TAOK3: variants seen among roughly 807,000 people sequenced by gnomAD.
The protein encoded by TAOK3 is TAO kinase 3, also known as serine/threonine-protein kinase TAO3.
A neutral mutation model predicts 120.4 loss-of-function variants in TAOK3; 40 were observed. That is an observed-to-expected ratio of 0.33 (90% CI 0.26 to 0.43). The LOEUF (loss-of-function observed/expected upper bound fraction) is 0.43, where lower values mean the gene tolerates loss of function less well. TAOK3 is among the 20% of genes least tolerant of loss of function. The pLI, the probability that TAOK3 is intolerant of heterozygous loss-of-function variation, is 1.00. For synonymous variants in TAOK3, 355 were observed against 387.5 expected, an observed-to-expected ratio of 0.92 and a Z score of 0.99; for missense variants, 821 against 1,112.1, an observed-to-expected ratio of 0.74 and a Z score of 3.72.
At chr12:118,227,257 A>C (rs1401443444) in intron 9 of TAOK3, among the ~76,000 whole-genome samples, 1 of 146,264 alleles carries the variant, frequency 6.8e-6, no homozygotes, top group Non-Finnish European at 1.5e-5. Context: ...TTTTAATATA[A>C]TATAAAATTA....
rs532242632 is a variant in TAOK3, at chr12:118,312,319, T to C, written c.-193-45560A>G. On this transcript the variant is annotated intron_variant, in intron 1 of 20. Coordinates refer to ENST00000392533, the MANE Select transcript of TAOK3 (RefSeq NM_016281.4). ...TGACATTAAAAAAAAATCTAGTCCC[T>C]TAATTTAAGACTACTTTAAAGCCTA... Among the ~76,000 whole-genome samples, 115 of 152,222 alleles carry C rather than the reference T, an allele frequency of 7.6e-4. 1 individual carries two copies. The Middle Eastern group carries it at 0.01, about 14-fold the overall frequency.
intron 1 of TAOK3, among the ~76,000 whole-genome samples, chr12:118,287,265 T>C (rs2042300098): frequency 6.6e-6 from 1 of 152,114 alleles, no homozygotes; most frequent in Non-Finnish European, 1.5e-5. Flanking sequence ...TTGAATTCCT[T>C]TTTTTTGAAA....
At chr12:118,177,722 C>T (rs2036436788) in intron 15 of TAOK3, among the ~76,000 whole-genome samples, 1 of 152,076 alleles carries the variant, frequency 6.6e-6, no homozygotes, top group South Asian at 2.1e-4. Flanking sequence ...ACTCTGGAGG[C>T]TGAGGCAGGA....
Position 118,333,963 on chromosome 12 carries a change from C to T in TAOK3, c.-194+38685G>A, listed in dbSNP as rs562237483. On this transcript the variant is annotated intron_variant, in intron 1 of 20. Transcript: ENST00000392533. ...CCAGCCTGACCAACATGGAGAAACC[C>T]CATCTCTACTAAAAATACAAAATTA... 7.9e-5 allele frequency among the ~76,000 whole-genome samples: 12 copies of T among 151,524 alleles called. No individual in the cohort carries two copies. The East Asian group carries it at 2.3e-3, about 29-fold the overall frequency.
intron 1 of TAOK3, among the ~76,000 whole-genome samples, chr12:118,336,399 G>A (rs1467509842): frequency 1.3e-5 from 2 of 151,722 alleles, no homozygotes; most frequent in Admixed American, 6.6e-5. Context: ...GATGAACATA[G>A]GCAAAAAAAT....
intron 7 of TAOK3, among the ~76,000 whole-genome samples, chr12:118,237,728 C>T (rs1342926698): frequency 6.6e-6 from 1 of 152,096 alleles, no homozygotes; most frequent in Non-Finnish European, 1.5e-5. Flanking sequence ...GGGACAATAA[C>T]TCTGCTAACA....
At chr12:118,216,839 G>A (rs2038926871) in intron 9 of TAOK3, among the ~76,000 whole-genome samples, 1 of 149,162 alleles carries the variant, frequency 6.7e-6, no homozygotes, top group Non-Finnish European at 1.5e-5. Flanking sequence ...TGAGGCAGGA[G>A]AATGGCGTGA....
At chr12:118,256,873 G>A (rs966487013) in intron 2 of TAOK3, among the ~76,000 whole-genome samples, 2 of 152,090 alleles carry the variant, frequency 1.3e-5, no homozygotes, top group Admixed American at 6.6e-5. Flanking sequence ...AAATCATTCA[G>A]TTACACATTT....
At chr12:118,264,982 A>G (rs1191565451) in intron 2 of TAOK3, among the ~76,000 whole-genome samples, 1 of 152,116 alleles carries the variant, frequency 6.6e-6, no homozygotes, top group African/African-American at 2.4e-5. Context: ...TGCAGTGAGC[A>G]GACATTGTGC....
intron 9 of TAOK3, among the ~76,000 whole-genome samples, chr12:118,228,622 T>C (rs445926): frequency 0.016 from 2,407 of 152,314 alleles, 28 homozygotes; most frequent in Non-Finnish European, 0.026. Flanking sequence ...TTAACTATGA[T>C]ACAGTATTCC....
intron 1 of TAOK3, among the ~76,000 whole-genome samples, chr12:118,271,828 A>C (rs534343103): frequency 6.6e-6 from 1 of 152,352 alleles, no homozygotes; most frequent in Admixed American, 6.5e-5. Context: ...AAAGATAAAC[A>C]AGAATATTTT....
At chr12:118,270,066 C>A (rs1180934785) in intron 1 of TAOK3, among the ~76,000 whole-genome samples, 2 of 152,162 alleles carry the variant, frequency 1.3e-5, no homozygotes, top group Non-Finnish European at 2.9e-5. Flanking sequence ...AAGCTGCTAT[C>A]TTAATTTCTG....
chr12:118,268,610 C>T (rs16948225), intron 1 of TAOK3, among the ~76,000 whole-genome samples: 3,103 of 152,302 alleles, frequency 0.02, 110 homozygotes, highest in African/African-American at 0.071. Context: ...CAATCAATAA[C>T]TGCAATGTTT....
intron 14 of TAOK3, among the ~76,000 whole-genome samples, chr12:118,188,923 A>AGAGT (rs1555216905): frequency 1.3e-5 from 2 of 150,884 alleles, no homozygotes; most frequent in African/African-American, 4.9e-5. Context: ...AAACGATGTG[A>AGAGT]GTGTGTGTGT....
chr12:118,163,900 T>C (rs533555584), intron 17 of TAOK3, among the ~76,000 whole-genome samples: 1 of 152,102 alleles, frequency 6.6e-6, no homozygotes, highest in African/African-American at 2.4e-5. Context: ...TTAGTAGAGA[T>C]GGAGTTTCTC....
intron 11 of TAOK3, among the ~76,000 whole-genome samples, chr12:118,209,811 T>C (rs571045373): frequency 7.3e-5 from 11 of 151,464 alleles, no homozygotes; most frequent in Non-Finnish European, 1.6e-4. Context: ...CCTCCCAGGC[T>C]CAAGTGATTC....
intron 1 of TAOK3, among the ~76,000 whole-genome samples, chr12:118,365,231 CTTTT>C (rs1370052652): frequency 6.6e-6 from 1 of 152,068 alleles, no homozygotes; most frequent in Non-Finnish European, 1.5e-5. Context: ...ATCTCTCTCT[CTTTT>C]TTAATTTTTT....
At chr12:118,194,172 G>A (rs767272806) in intron 13 of TAOK3, among the ~76,000 whole-genome samples, 2 of 152,144 alleles carry the variant, frequency 1.3e-5, no homozygotes, top group South Asian at 2.1e-4. Flanking sequence ...ATCTAAAAAT[G>A]GCTCTTATCC....
intron 9 of TAOK3, among the ~76,000 whole-genome samples, chr12:118,220,595 A>C (rs953892472): frequency 2.6e-5 from 4 of 152,086 alleles, no homozygotes; most frequent in African/African-American, 9.7e-5. Context: ...AGAAACAGTG[A>C]AACAGAAGGG....
Sources: gnomAD v4.1 joint callset for allele counts (sites outside exome capture counted in the v4.1 genomes callset) on GRCh38, gnomAD v4.1.1 for gene constraint, MANE v1.5 for transcripts, NCBI Gene and HGNC (gene_info 2026-07-23, HGNC 2026-07-21) for gene names.